The following DST variants were observed in gnomAD, a reference collection of about 807,000 sequenced individuals.
The protein encoded by DST is bullous pemphigoid antigen.
In DST, 253 loss-of-function variants were observed where a neutral mutation model predicts 875.2. The ratio of observed to expected loss-of-function variants is 0.29; its 90% confidence interval spans 0.26 to 0.32. The LOEUF is 0.32. Ranked by LOEUF, DST falls within the 10% of genes least tolerant of loss-of-function variation. DST has a pLI of 1.00. For missense variants in DST, 8,287 were observed against 9,111.6 expected, an observed-to-expected ratio of 0.91 and a Z score of 3.68; for synonymous variants, 3,124 against 3,197.1, an observed-to-expected ratio of 0.98 and a Z score of 0.77.
At chr6:56,479,491 A>G (rs2095327928) in intron 90 of DST, among the ~76,000 whole-genome samples, 1 of 151,574 alleles carries the variant, frequency 6.6e-6, no homozygotes, top group Admixed American at 6.6e-5. Flanking sequence ...TCATTCCAGC[A>G]CTATTCACAA....
intron 4 of DST, among the ~76,000 whole-genome samples, chr6:56,798,432 G>C (rs1159098671): frequency 1.3e-5 from 2 of 152,138 alleles, no homozygotes; most frequent in Non-Finnish European, 2.9e-5. Flanking sequence ...CTGGATGACA[G>C]CGTATCTGTT....
At chr6:56,776,325 A>G (rs1422035338) in intron 4 of DST, among the ~76,000 whole-genome samples, 1 of 152,258 alleles carries the variant, frequency 6.6e-6, no homozygotes, top group African/African-American at 2.4e-5. Flanking sequence ...ATGACAATGA[A>G]ATGTAATGTG....
intron 75 of DST, among the ~76,000 whole-genome samples, chr6:56,507,437 A>T (rs1461788228): frequency 1.3e-5 from 2 of 152,244 alleles, no homozygotes; most frequent in Non-Finnish European, 2.9e-5. Context: ...AGCAGGAAAG[A>T]CAGAGGCATA....
At chr6:56,836,365 C>T (rs1193922305) in intron 4 of DST, among the ~76,000 whole-genome samples, 1 of 152,026 alleles carries the variant, frequency 6.6e-6, no homozygotes, top group Admixed American at 6.6e-5. Flanking sequence ...ATATGCAATA[C>T]CCAGCATCAT....
At chr6:56,624,025 G>C (rs937394415) in intron 36 of DST, among the ~76,000 whole-genome samples, 1 of 150,592 alleles carries the variant, frequency 6.6e-6, no homozygotes, top group Non-Finnish European at 1.5e-5. Context: ...TTCTTAAAAA[G>C]TATCATTTTG....
intron 36 of DST, chr6:56,620,371 G>C: frequency 6.2e-7 from 1 of 1,614,102 alleles, no homozygotes; most frequent in Non-Finnish European, 8.5e-7. Context: ...CGGCCTCTAT[G>C]GTGAGCTGCC....
rs572581375 is a variant in DST at position 56,767,509 on chromosome 6, C to T, written c.626-32220G>A. Among the ~76,000 whole-genome samples, 9 of 151,858 alleles carry T rather than the reference C, an allele frequency of 5.9e-5. 1 individual carries two copies. In the South Asian group the frequency reaches 1.0e-3, roughly 18 times the overall value. On this transcript the variant is annotated intron_variant, in intron 4 of 103. Coordinates refer to ENST00000680361, the MANE Select transcript of DST (RefSeq NM_001374736.1). ...TTGCACATCTGTAATCCTAGCTACT[C>T]GGGAAGCTGAGATACGAGAATTGCT...
intron 55 of DST, among the ~76,000 whole-genome samples, chr6:56,564,026 T>C (rs2097596528): frequency 6.6e-6 from 1 of 152,230 alleles, no homozygotes; most frequent in Non-Finnish European, 1.5e-5. Context: ...TCCAGCTTTG[T>C]TCTTTTTGCT....
Position 56,634,564 on chromosome 6 carries a change from G to T in DST, c.3392C>A (p.Ala1131Asp). ...ECVLANNSHR[A>D]KWKVISPTGN... is the part of the protein sequence containing the mutation. Reference sequence around the variant, plus strand: ...AGTAGGACTAATGACCTTCCATTTAGCACGATGAGAGTTATTCGCCAAAAC... The same window carrying T: ...AGTAGGACTAATGACCTTCCATTTATCACGATGAGAGTTATTCGCCAAAAC... The change falls in exon 26 of 104, where the codon GCT becomes GAT. Residue 1131 changes from alanine to aspartate, a missense_variant. Ala to Asp is a moderately radical substitution (Grantham distance 126, BLOSUM62 -2). Coordinates refer to ENST00000680361, the MANE Select transcript of DST (RefSeq NM_001374736.1). The T allele has an allele frequency of 6.2e-7, 1 of 1,614,170 alleles. No individual in the cohort carries two copies. Among genetic ancestry groups the T allele is most frequent in the Non-Finnish European group, 8.5e-7 (1 of 1,180,002 alleles).
rs200302847 is a variant in DST, at chr6:56,900,469, G to C, written c.369C>G (p.Val123=). 3.6e-4 allele frequency: 499 copies of C among 1,367,572 alleles called. No homozygotes were observed. Among genetic ancestry groups the C allele is most frequent in the Non-Finnish European group, 4.5e-4 (464 of 1,021,866 alleles). 84.7% of individuals were successfully genotyped at this position (1,367,572 alleles called of 1,614,324 possible). A position where few individuals can be genotyped will look rare whatever the true frequency, so the allele number is the denominator to read the frequency against. The part of the protein sequence containing the change: ...RKRRIKKSSR[V]QPEFYHSVQG... ...GAACAGAGTGATAAAATTCTGGCTG[G>C]ACTCGGCTGCTCTTCTTGATTCTTC... Residue 123 remains valine, a synonymous_variant, in exon 3 of 104, where the codon GTC becomes GTG. Coordinates refer to ENST00000680361, the MANE Select transcript of DST (RefSeq NM_001374736.1).
intron 4 of DST, among the ~76,000 whole-genome samples, chr6:56,795,892 A>G (rs1385832461): frequency 3.9e-5 from 6 of 152,320 alleles, no homozygotes; most frequent in Non-Finnish European, 7.4e-5. Context: ...AAGAGCACCA[A>G]TAAAAAATTT....
chr6:56,515,184 A>AT (rs146891999), intron 72 of DST, among the ~76,000 whole-genome samples: 1,573 of 152,260 alleles, frequency 0.01, 34 homozygotes, highest in African/African-American at 0.036. Context: ...TTAAATGGGA[A>AT]TTTTTTCTAT....
chr6:56,688,678 G>A (rs1316246916), intron 9 of DST, among the ~76,000 whole-genome samples: 1 of 152,220 alleles, frequency 6.6e-6, no homozygotes, highest in Non-Finnish European at 1.5e-5. Context: ...ATGGTTTGCT[G>A]AGAAGTTAAA....
intron 60 of DST, 72 bp from the exon 61 acceptor site, chr6:56,553,727 A>G (rs1468226738): frequency 7.3e-7 from 1 of 1,377,340 alleles, no homozygotes; most frequent in Non-Finnish European, 9.9e-7. Context: ...AGCCAAAATA[A>G]AAATCTCTGA....
chr6:56,576,143 T>G (rs1317363590), intron 50 of DST, among the ~76,000 whole-genome samples: 1 of 152,174 alleles, frequency 6.6e-6, no homozygotes, highest in African/African-American at 2.4e-5. Context: ...TCTGGGGAGC[T>G]TCTGAATAGC....
intron 69 of DST, among the ~76,000 whole-genome samples, chr6:56,520,935 A>G (rs1471341463): frequency 1.3e-5 from 2 of 152,094 alleles, no homozygotes; most frequent in Admixed American, 6.6e-5. Flanking sequence ...TGAAAATTTA[A>G]TATCGTCAAG....
At chr6:56,619,781 C>G (rs780465822) in intron 36 of DST, 2 of 1,614,042 alleles carry the variant, frequency 1.2e-6, no homozygotes, top group African/African-American at 2.7e-5. Context: ...CTTAAGGCAT[C>G]TGAGTGTATT....
At chr6:56,654,070 T>C (rs1454406736) in intron 10 of DST, among the ~76,000 whole-genome samples, 1 of 152,232 alleles carries the variant, frequency 6.6e-6, no homozygotes, top group Admixed American at 6.5e-5. Context: ...TCTCATGTTA[T>C]ATTTTAGATA....
At chr6:56,780,788 T>C (rs1489412510) in intron 4 of DST, among the ~76,000 whole-genome samples, 1 of 151,852 alleles carries the variant, frequency 6.6e-6, no homozygotes, top group African/African-American at 2.4e-5. Flanking sequence ...GTTTTAGACA[T>C]GAAGTCCTTG....
Sources: allele counts gnomAD v4.1 joint callset (sites outside exome capture counted in the v4.1 genomes callset), GRCh38; gene constraint gnomAD v4.1.1; transcripts MANE v1.5; gene names NCBI Gene and HGNC (gene_info 2026-07-23, HGNC 2026-07-21).